STAMBPL1: variants seen among roughly 807,000 people sequenced by gnomAD.
The protein encoded by STAMBPL1 is STAM binding protein like 1, also known as AMSH-like protease.
STAMBPL1 carries 44 observed loss-of-function variants against 52.9 expected under a neutral mutation model. The observed-to-expected ratio is 0.83, with a 90% CI of 0.65 to 1.07. The LOEUF is 1.07. Among genes scored for constraint, STAMBPL1 ranks in the 50% least tolerant of loss-of-function variants. The pLI, the probability that STAMBPL1 is intolerant of heterozygous loss-of-function variation, is 0.00. For missense variants in STAMBPL1, 511 were observed against 520.8 expected, an observed-to-expected ratio of 0.98 and a Z score of 0.18; for synonymous variants, 164 against 177.3, an observed-to-expected ratio of 0.92 and a Z score of 0.60.
intron 1 of STAMBPL1, among the ~76,000 whole-genome samples, chr10:88,898,652 A>G (rs1470883206): frequency 6.6e-6 from 1 of 152,210 alleles, no homozygotes; most frequent in Non-Finnish European, 1.5e-5. Context: ...GTTTTTATCT[A>G]TAGTAATTTA....
intron 3 of STAMBPL1, 116 bp downstream of exon 3, chr10:88,905,776 T>C (rs550240179): frequency 1.3e-6 from 1 of 758,896 alleles, no homozygotes; most frequent in African/African-American, 1.8e-5. Context: ...TTGCACAGTC[T>C]CTAGGAGCAT....
chr10:88,901,787 G>A (rs1844949860), intron 2 of STAMBPL1, 49 bp downstream of exon 2: 6 of 1,570,030 alleles, frequency 3.8e-6, no homozygotes, highest in Non-Finnish European at 5.2e-6. Flanking sequence ...AGCCCAAAAA[G>A]AAGAACAGAA....
intron 1 of STAMBPL1, among the ~76,000 whole-genome samples, chr10:88,889,705 T>C (rs1037643450): frequency 6.6e-5 from 10 of 152,212 alleles, no homozygotes; most frequent in Admixed American, 4.6e-4. Context: ...TTTACCCTGA[T>C]TCCTCAAATA....
At chr10:88,922,573 T>A in intron 10 of STAMBPL1, 137 bp downstream of exon 10, 1 of 693,714 alleles carries the variant, frequency 1.4e-6, no homozygotes, top group Non-Finnish European at 2.4e-6. Flanking sequence ...CTCAGAAAAT[T>A]AATCTATCTG....
intron 1 of STAMBPL1, among the ~76,000 whole-genome samples, chr10:88,898,915 A>G (rs1036129418): frequency 2.0e-5 from 3 of 152,226 alleles, no homozygotes; most frequent in African/African-American, 4.8e-5. Flanking sequence ...AGACATCTGC[A>G]TCTCATGCTT....
intron 1 of STAMBPL1, 64 bp from the exon 2 acceptor site, chr10:88,901,592 G>A: frequency 1.0e-6 from 1 of 970,750 alleles, no homozygotes; most frequent in South Asian, 1.6e-5. Context: ...TAACCCTGGG[G>A]TTTGGGATTT....
At chr10:88,913,998 ACACAGAATTCTTCTTCG>A (rs1386676671) in intron 6 of STAMBPL1, among the ~76,000 whole-genome samples, 4 of 152,192 alleles carry the variant, frequency 2.6e-5, no homozygotes, top group African/African-American at 9.7e-5. Flanking sequence ...AGTTTCCAAA[ACACAGAATTCTTCTTCG>A]CAGACACTGT....
intron 1 of STAMBPL1, among the ~76,000 whole-genome samples, chr10:88,891,494 T>C (rs1384954668): frequency 6.6e-6 from 1 of 152,222 alleles, no homozygotes; most frequent in East Asian, 1.9e-4. Flanking sequence ...TATATTTGCA[T>C]AGTTTCCCTA....
intron 6 of STAMBPL1, 124 bp from the exon 7 acceptor site, chr10:88,914,410 G>T: frequency 1.6e-6 from 1 of 624,766 alleles, no homozygotes. Flanking sequence ...AATATGGAAA[G>T]TGGAACACCT....
intron 2 of STAMBPL1, among the ~76,000 whole-genome samples, chr10:88,902,307 G>A (rs532986939): frequency 1.3e-5 from 2 of 152,052 alleles, no homozygotes; most frequent in Non-Finnish European, 2.9e-5. Context: ...AATCTCCATG[G>A]CCCTGATTTT....
chr10:88,900,593 T>C (rs910844006), intron 1 of STAMBPL1, among the ~76,000 whole-genome samples: 1 of 152,218 alleles, frequency 6.6e-6, no homozygotes. Context: ...GCTAACTCAT[T>C]TGATCCTAGA....
chr10:88,882,920 T>C (rs1844441205), intron 1 of STAMBPL1: 1 of 152,228 alleles, frequency 6.6e-6, no homozygotes, highest in Middle Eastern at 3.4e-3. Context: ...GCAGGTTTGT[T>C]ACATATGTAT....
chr10:88,916,878 GAAGAAAAGTTT>G (rs1845385589), intron 8 of STAMBPL1, 61 bp downstream of exon 8: 1 of 1,388,270 alleles, frequency 7.2e-7, no homozygotes, highest in Admixed American at 2.7e-5. Flanking sequence ...TTTCCTCCTT[GAAGAAAAGTTT>G]AGCTTCATTT....
At chr10:88,919,555 G>A (rs773148637) in intron 8 of STAMBPL1, among the ~76,000 whole-genome samples, 1 of 152,156 alleles carries the variant, frequency 6.6e-6, no homozygotes, top group Non-Finnish European at 1.5e-5. Context: ...TGCCTCCACA[G>A]CACTGTGGTT....
intron 1 of STAMBPL1, among the ~76,000 whole-genome samples, chr10:88,890,912 T>C (rs1051928686): frequency 6.6e-6 from 1 of 152,244 alleles, no homozygotes; most frequent in Non-Finnish European, 1.5e-5. Flanking sequence ...CCAATTCCTC[T>C]ATTCTCTGTA....
intron 1 of STAMBPL1, chr10:88,882,612 G>T (rs1844434084): frequency 6.6e-6 from 1 of 152,194 alleles, no homozygotes; most frequent in Admixed American, 6.5e-5. Flanking sequence ...GAAGTGCTAG[G>T]TGCTTTCCTG....
At chr10:88,918,113 A>G (rs906726130) in intron 8 of STAMBPL1, among the ~76,000 whole-genome samples, 3 of 152,136 alleles carry the variant, frequency 2.0e-5, no homozygotes, top group African/African-American at 7.2e-5. Context: ...TGGAAACCCC[A>G]CCATTCAAAC....
chr10:88,908,191 T>C (rs1303353418), intron 3 of STAMBPL1, among the ~76,000 whole-genome samples: 2 of 152,226 alleles, frequency 1.3e-5, no homozygotes, highest in South Asian at 2.1e-4. Context: ...GAATTCCTAA[T>C]TAGCAACTCC....
rs1213210666 is a variant in STAMBPL1 at position 88,881,364 on chromosome 10, G to A, written c.-54+726G>A. ...GTAAGGAATAAGTAATTCAGGAAACGGAACCCAATCTAGAGGTTTGAAAAA... is the reference window on the plus strand; with the variant it reads ...GTAAGGAATAAGTAATTCAGGAAACAGAACCCAATCTAGAGGTTTGAAAAA... On this transcript the variant is annotated intron_variant, in intron 1 of 10. Transcript: ENST00000371926. 2.6e-5 allele frequency among the ~76,000 whole-genome samples: 4 copies of A among 151,998 alleles called. No individual in the cohort carries two copies. In the South Asian group the frequency reaches 6.2e-4, roughly 24 times the overall value.
Sources: allele counts gnomAD v4.1 joint callset (sites outside exome capture counted in the v4.1 genomes callset), GRCh38; gene constraint gnomAD v4.1.1; transcripts MANE v1.5; gene names NCBI Gene and HGNC (gene_info 2026-07-23, HGNC 2026-07-21).